Variants in FARP2 observed in about 807,000 individuals in gnomAD.
FARP2 encodes FERM, ARH/RhoGEF and pleckstrin domain protein 2, also known as FERM, ARHGEF and pleckstrin domain-containing protein 2.
A neutral mutation model predicts 130.5 loss-of-function variants in FARP2; 111 were observed. That is an observed-to-expected ratio of 0.85 (90% CI 0.73 to 1.00). FARP2 has a LOEUF of 1.00. Among genes scored for constraint, FARP2 ranks in the 50% least tolerant of loss-of-function variants. The pLI, the probability that FARP2 is intolerant of heterozygous loss-of-function variation, is 0.00. For synonymous variants in FARP2, 504 were observed against 516.9 expected, an observed-to-expected ratio of 0.98 and a Z score of 0.34; for missense variants, 1,385 against 1,346.3, an observed-to-expected ratio of 1.03 and a Z score of -0.45.
intron 5 of FARP2, among the ~76,000 whole-genome samples, chr2:241,409,038 T>TGATA (rs56030352): frequency 0.35 from 51,729 of 145,808 alleles, 9,184 homozygotes; most frequent in Middle Eastern, 0.44. Context: ...GATAGATAGA[T>TGATA]GATAGATAGA....
intron 14 of FARP2, among the ~76,000 whole-genome samples, chr2:241,460,766 G>A (rs1396313072): frequency 6.6e-6 from 1 of 152,222 alleles, no homozygotes; most frequent in Non-Finnish European, 1.5e-5. Flanking sequence ...AAGAGGTGGG[G>A]GCTGAGCTGG....
At chr2:241,398,614 G>T (rs553691777) in intron 2 of FARP2, among the ~76,000 whole-genome samples, 9 of 150,614 alleles carry the variant, frequency 6.0e-5, no homozygotes, top group African/African-American at 2.2e-4. Flanking sequence ...TTGTCTCCCA[G>T]GCTGGAGTGC....
At chr2:241,439,576 G>A (rs532116541) in intron 12 of FARP2, among the ~76,000 whole-genome samples, 33 of 151,994 alleles carry the variant, frequency 2.2e-4, no homozygotes, top group African/African-American at 5.3e-4. Flanking sequence ...TGATCCGCCC[G>A]ACTCGGCCTC....
intron 4 of FARP2, among the ~76,000 whole-genome samples, chr2:241,406,533 G>C (rs1205221969): frequency 6.6e-6 from 1 of 151,774 alleles, no homozygotes; most frequent in Non-Finnish European, 1.5e-5. Context: ...TGCAGCCTCT[G>C]CCTCCTGGGC....
At chr2:241,441,720 C>T (rs775058934) in intron 13 of FARP2, 164 bp downstream of exon 13, 56 of 1,058,372 alleles carry the variant, frequency 5.3e-5, no homozygotes, top group Admixed American at 1.4e-4. Flanking sequence ...CATTTCCTTC[C>T]GGTGGGGAGC....
chr2:241,430,017 G>T (rs759327653), intron 8 of FARP2, among the ~76,000 whole-genome samples: 1 of 152,160 alleles, frequency 6.6e-6, no homozygotes, highest in Non-Finnish European at 1.5e-5. Context: ...CACTATGATG[G>T]TTGCCCAATG....
At chr2:241,490,124 TCTGAG>T (rs2064857018) in intron 22 of FARP2, 80 bp downstream of exon 22, 1 of 1,023,824 alleles carries the variant, frequency 9.8e-7, no homozygotes, top group Non-Finnish European at 1.5e-6. Context: ...CTCTGAGTCC[TCTGAG>T]CTGTGAGGAG....
rs888633328 is a variant in FARP2 at position 241,482,243 on chromosome 2, G to A, written c.2263-1222G>A. ...TTTGACAGCTTGGTCAAAGGCCCAC[G>A]GTGCTGAGCCTCACAGCTGGCAGCG... On this transcript the variant is annotated intron_variant, in intron 19 of 26. Transcript: ENST00000264042. This position sits in a 1 kb window ranked among gnomAD's most constrained non-coding sequence, Gnocchi z 4.6. 3.9e-5 allele frequency among the ~76,000 whole-genome samples: 6 copies of A among 152,214 alleles called. No individual in the cohort carries two copies. Among genetic ancestry groups the A allele is most frequent in the East Asian group, 1.9e-4 (1 of 5,192 alleles).
intron 21 of FARP2, chr2:241,488,919 A>C (rs1335961100): frequency 1.3e-5 from 2 of 152,232 alleles, no homozygotes; most frequent in Non-Finnish European, 2.9e-5. Flanking sequence ...TTTGGTGAAC[A>C]CATTCCATCC....
At chr2:241,458,307 C>CA (rs1027244666) in intron 14 of FARP2, among the ~76,000 whole-genome samples, 2 of 152,066 alleles carry the variant, frequency 1.3e-5, no homozygotes, top group Non-Finnish European at 2.9e-5. Context: ...AGTGCTGGTA[C>CA]AGGGGGAGGT....
intron 17 of FARP2, chr2:241,465,455 T>C: frequency 6.5e-7 from 1 of 1,550,276 alleles, no homozygotes; most frequent in Non-Finnish European, 8.7e-7. Context: ...AGGTTTTTCT[T>C]TCAGGTGTTC....
intron 2 of FARP2, among the ~76,000 whole-genome samples, chr2:241,387,609 C>T (rs1397017694): frequency 5.9e-5 from 9 of 151,882 alleles, no homozygotes; most frequent in African/African-American, 1.9e-4. Context: ...CTGGCTAACA[C>T]GGTGAAACCC....
At chr2:241,429,430 A>C (rs2063037653) in intron 8 of FARP2, among the ~76,000 whole-genome samples, 1 of 152,208 alleles carries the variant, frequency 6.6e-6, no homozygotes, top group South Asian at 2.1e-4. Flanking sequence ...GGGATTGTGC[A>C]GTGCTTCCCC....
chr2:241,479,732 C>A (rs950244052), intron 19 of FARP2, among the ~76,000 whole-genome samples: 5 of 146,360 alleles, frequency 3.4e-5, no homozygotes, highest in African/African-American at 1.2e-4. Context: ...CGTGAGGTAG[C>A]AGTGTTGCCT....
chr2:241,447,879 G>C (rs1011720517), intron 13 of FARP2, among the ~76,000 whole-genome samples: 2 of 152,170 alleles, frequency 1.3e-5, no homozygotes, highest in African/African-American at 4.8e-5. Context: ...GAGCAGCACA[G>C]AGCTGCAGCC....
At chr2:241,382,694 G>A (rs2061690472) in intron 2 of FARP2, among the ~76,000 whole-genome samples, 1 of 152,172 alleles carries the variant, frequency 6.6e-6, no homozygotes, top group African/African-American at 2.4e-5. Context: ...TACATGTTGT[G>A]AAATTGTATT....
intron 1 of FARP2, among the ~76,000 whole-genome samples, chr2:241,362,130 C>G (rs1223354202): frequency 6.6e-6 from 1 of 152,052 alleles, no homozygotes; most frequent in African/African-American, 2.4e-5. Flanking sequence ...CTCCTGACCT[C>G]AAGTAAACCA....
chr2:241,406,244 C>CT lies in FARP2; in HGVS notation c.332-1291dup, dbSNP rs543956739. ...AATGGCATGAACCTGGAAGGCGGAG[C>CT]TTGCAGTGAGCCGAGATCACGTCAC... On this transcript the variant is annotated intron_variant, in intron 4 of 26. Transcript: ENST00000264042. Among the ~76,000 whole-genome samples the CT allele has an allele frequency of 3.0e-4, 45 of 150,446 alleles. No homozygotes were observed. In the South Asian group the frequency reaches 7.9e-3, roughly 26 times the overall value.
chr2:241,426,389 G>GT (rs1164771673), intron 8 of FARP2, among the ~76,000 whole-genome samples: 1 of 152,212 alleles, frequency 6.6e-6, no homozygotes, highest in African/African-American at 2.4e-5. Context: ...AGCTCAGCTT[G>GT]TGAGCAATGC....
Sources: allele counts gnomAD v4.1 joint callset (sites outside exome capture counted in the v4.1 genomes callset), GRCh38; gene constraint gnomAD v4.1.1; non-coding constraint Gnocchi (gnomAD v3.1); transcripts MANE v1.5; gene names NCBI Gene and HGNC (gene_info 2026-07-23, HGNC 2026-07-21).